The following AK5 variants were observed in gnomAD, a reference collection of about 807,000 sequenced individuals.
AK5 encodes adenylate kinase isoenzyme 5.
In AK5, 27 loss-of-function variants were observed where a neutral mutation model predicts 69.5. The observed-to-expected ratio is 0.39, with a 90% confidence interval of 0.29 to 0.54. The LOEUF is 0.54. Ranked by LOEUF, AK5 falls within the 20% of genes least tolerant of loss-of-function variation. The probability of loss-of-function intolerance (pLI) is 0.71; values close to 1 mark genes in which losing one functional copy is unlikely to be tolerated. For synonymous variants in AK5, 260 were observed against 244.4 expected, an observed-to-expected ratio of 1.06 and a Z score of -0.60; for missense variants, 531 against 700.4, an observed-to-expected ratio of 0.76 and a Z score of 2.73.
chr1:77,283,590 CAT>C, intron 1 of AK5: 1 of 985,418 alleles, frequency 1.0e-6, no homozygotes, highest in South Asian at 4.7e-5. Flanking sequence ...GTTTTCAGGT[CAT>C]CTGAAGTCAA....
Position 77,558,868 on chromosome 1 carries a change from A to AT in AK5, c.*199dup. 1 of 559,342 alleles carries AT rather than the reference A, an allele frequency of 1.8e-6. No homozygotes were observed. The highest frequency in any genetic ancestry group is 3.3e-6 in the Non-Finnish European group (1 of 305,412). 34.6% of individuals were successfully genotyped at this position (559,342 alleles called of 1,614,324 possible). ...AATCATGCATGGTGTATTTGGGACT[A>AT]TATCAACCTATTCTCCACACTTCAG... On this transcript the variant is annotated 3_prime_UTR_variant, in exon 14 of 14. Coordinates refer to ENST00000354567, the MANE Select transcript of AK5 (RefSeq NM_174858.3).
intron 1 of AK5, chr1:77,282,687 G>C (rs1036725639): frequency 1.8e-6 from 2 of 1,129,202 alleles, no homozygotes; most frequent in Non-Finnish European, 2.2e-6. Flanking sequence ...GACCGCGGCC[G>C]GGCCGCACTC....
intron 6 of AK5, among the ~76,000 whole-genome samples, chr1:77,360,477 G>C (rs1646843287): frequency 6.6e-6 from 1 of 152,148 alleles, no homozygotes; most frequent in Admixed American, 6.5e-5. Context: ...AACCAGGATA[G>C]AGTAGGCAGA....
rs569933046 is a variant in AK5, at chr1:77,288,068, G to A, written c.247+941G>A. On this transcript the variant is annotated intron_variant, in intron 2 of 13. Coordinates refer to ENST00000354567, the MANE Select transcript of AK5 (RefSeq NM_174858.3). ...GTATTAAGCATCTACTGAATGCAATGTATTAATCTAACACATTAATCTAAT... is the reference window on the plus strand; with the variant it reads ...GTATTAAGCATCTACTGAATGCAATATATTAATCTAACACATTAATCTAAT... 2.6e-3 allele frequency among the ~76,000 whole-genome samples: 401 copies of A among 152,278 alleles called. 1 individual carries two copies. Among genetic ancestry groups the A allele is most frequent in the African/African-American group, 7.5e-3 (310 of 41,510 alleles).
intron 7 of AK5, among the ~76,000 whole-genome samples, chr1:77,413,970 C>A (rs1046588423): frequency 6.6e-6 from 1 of 152,180 alleles, no homozygotes; most frequent in Non-Finnish European, 1.5e-5. Context: ...CAGTGCTCTT[C>A]CTACACATTG....
chr1:77,499,482 C>G (rs1047439700), intron 10 of AK5, among the ~76,000 whole-genome samples: 2 of 152,186 alleles, frequency 1.3e-5, no homozygotes, highest in Non-Finnish European at 2.9e-5. Context: ...CCATCACCAC[C>G]GGCCCAGCGA....
At chr1:77,506,256 T>G (rs953085056) in intron 10 of AK5, among the ~76,000 whole-genome samples, 4 of 105,930 alleles carry the variant, frequency 3.8e-5, no homozygotes, top group African/African-American at 6.2e-5. Context: ...TGGTTGGTTG[T>G]TTTTTTTCAT....
At chr1:77,476,385 G>A (rs1431636461) in intron 8 of AK5, among the ~76,000 whole-genome samples, 1 of 152,150 alleles carries the variant, frequency 6.6e-6, no homozygotes, top group Non-Finnish European at 1.5e-5. Flanking sequence ...GTGATAAAAT[G>A]TACTTATGTT....
At chr1:77,448,241 A>T (rs772480686) in intron 8 of AK5, among the ~76,000 whole-genome samples, 1 of 152,196 alleles carries the variant, frequency 6.6e-6, no homozygotes, top group Non-Finnish European at 1.5e-5. Context: ...AGACTGGAGT[A>T]AGAACTTGTG....
At chr1:77,429,692 C>T (rs970830913) in intron 8 of AK5, among the ~76,000 whole-genome samples, 3 of 152,120 alleles carry the variant, frequency 2.0e-5, no homozygotes, top group African/African-American at 4.8e-5. Context: ...ATCTCCTGAC[C>T]TCGTGATCCG....
intron 3 of AK5, among the ~76,000 whole-genome samples, chr1:77,294,597 C>G (rs1658879190): frequency 6.6e-6 from 1 of 151,930 alleles, no homozygotes; most frequent in Non-Finnish European, 1.5e-5. Flanking sequence ...TGTTAAAAGA[C>G]AAACAAATCT....
intron 6 of AK5, among the ~76,000 whole-genome samples, chr1:77,407,544 T>G (rs1649741986): frequency 6.6e-6 from 1 of 151,340 alleles, no homozygotes; most frequent in African/African-American, 2.4e-5. Context: ...CTTTGGGGGG[T>G]GATGGGTATG....
intron 6 of AK5, among the ~76,000 whole-genome samples, chr1:77,382,666 A>G (rs1449729319): frequency 6.6e-6 from 1 of 152,176 alleles, no homozygotes; most frequent in African/African-American, 2.4e-5. Flanking sequence ...ACATTTTTGT[A>G]TGTTTTTATT....
intron 13 of AK5, among the ~76,000 whole-genome samples, chr1:77,543,646 C>T (rs1180502249): frequency 6.6e-6 from 1 of 152,146 alleles, no homozygotes; most frequent in Non-Finnish European, 1.5e-5. Flanking sequence ...AATACTCCCA[C>T]TTCAGCCTCT....
rs550390417 is a variant in AK5, at chr1:77,426,462, T to G, written c.1059+8747T>G. Among the ~76,000 whole-genome samples, 5 of 152,292 alleles carry G rather than the reference T, an allele frequency of 3.3e-5. No homozygotes were observed. The South Asian group carries it at 1.0e-3, about 32-fold the overall frequency. On this transcript the variant is annotated intron_variant, in intron 8 of 13. Coordinates refer to ENST00000354567, the MANE Select transcript of AK5 (RefSeq NM_174858.3). ...TCTTAATGTGTATGTGCCTAACAAC[T>G]AAGCATCAAAACACGTAAGGCAAAA...
chr1:77,503,586 T>G (rs914651345), intron 10 of AK5, among the ~76,000 whole-genome samples: 3 of 152,118 alleles, frequency 2.0e-5, no homozygotes, highest in African/African-American at 7.2e-5. Flanking sequence ...CTGGATAGAT[T>G]TGTCTATAAG....
intron 6 of AK5, among the ~76,000 whole-genome samples, chr1:77,361,098 A>T (rs935104110): frequency 2.0e-5 from 3 of 152,182 alleles, no homozygotes; most frequent in African/African-American, 7.2e-5. Flanking sequence ...TTTGCTGCTC[A>T]CTTGAGATGC....
chr1:77,285,289 A>T (rs915290255), intron 1 of AK5, among the ~76,000 whole-genome samples: 1 of 152,204 alleles, frequency 6.6e-6, no homozygotes, highest in Non-Finnish European at 1.5e-5. Context: ...CTCAACTGCA[A>T]TGTGTGTGTA....
chr1:77,392,190 A>G (rs1359519248), intron 6 of AK5, among the ~76,000 whole-genome samples: 2 of 152,038 alleles, frequency 1.3e-5, no homozygotes, highest in African/African-American at 4.8e-5. Flanking sequence ...AGTTTAAAAT[A>G]TACTATGAGT....
Sources: allele counts gnomAD v4.1 joint callset (sites outside exome capture counted in the v4.1 genomes callset), GRCh38; gene constraint gnomAD v4.1.1; transcripts MANE v1.5; gene names NCBI Gene and HGNC (gene_info 2026-07-23, HGNC 2026-07-21).